Variants in TNFRSF4 observed in about 807,000 individuals in gnomAD.
TNFRSF4 encodes the protein TNF receptor superfamily member 4.
Under a neutral mutation model 29.5 loss-of-function variants are expected in TNFRSF4, and 21 were observed. The ratio of observed to expected loss-of-function variants is 0.71; its 90% CI spans 0.51 to 1.03. The LOEUF is 1.03. Ranked by LOEUF, TNFRSF4 falls within the 50% of genes least tolerant of loss-of-function variation. The pLI is 0.00. For synonymous variants in TNFRSF4, 197 were observed against 172.7 expected (o/e 1.14, Z -1.10); for missense variants, 408 against 387.8 (o/e 1.05, Z -0.44).
chr1:1,211,905 G>C, intron 5 of TNFRSF4, 37 bp downstream of exon 5: 1 of 1,510,984 alleles, frequency 6.6e-7, no homozygotes. Flanking sequence ...TCCTATTCGG[G>C]TTGGGGGCCC....
intron 1 of TNFRSF4, 37 bp downstream of exon 1, chr1:1,213,946 G>A (rs1278083444): frequency 3.9e-6 from 6 of 1,556,032 alleles, no homozygotes; most frequent in Non-Finnish European, 5.2e-6. Context: ...CCAGTCCCTG[G>A]AGTGCCCGTG....
rs144102157 is a variant in TNFRSF4, at chr1:1,213,754, G to A, written c.177C>T (p.Ser59=). 394 of 1,603,120 alleles carry A rather than the reference G, an allele frequency of 2.5e-4. 1 individual carries two copies. The highest frequency in any genetic ancestry group is 2.9e-4 in the Non-Finnish European group (340 of 1,176,282). The part of the protein sequence containing the change: ...GNGMVSRCSR[S]QNTVCRPCGP... Reference sequence around the variant, plus strand: ...CGCACGGACGGCACACCGTGTTCTGGGAGCGGCTGCAGCGGCTCACCATCC... The same window carrying A: ...CGCACGGACGGCACACCGTGTTCTGAGAGCGGCTGCAGCGGCTCACCATCC... Residue 59 remains serine, a synonymous_variant, in exon 2 of 7, where the codon TCC becomes TCT. Transcript: ENST00000379236.
At chr1:1,213,932 G>T in intron 1 of TNFRSF4, 51 bp downstream of exon 1, 1 of 1,176,640 alleles carries the variant, frequency 8.5e-7, no homozygotes, top group Non-Finnish European at 1.1e-6. Context: ...CCCTGCCCCA[G>T]CCCCCAGTCC....
At chr1:1,212,240 C>G in intron 4 of TNFRSF4, 102 bp from the exon 5 acceptor site, 1 of 1,312,326 alleles carries the variant, frequency 7.6e-7, no homozygotes, top group Non-Finnish European at 1.1e-6. Context: ...CAGGCAGCAT[C>G]TACCACAGAC....
chr1:1,212,233 G>A lies in TNFRSF4; in HGVS notation c.438-95C>T, dbSNP rs866650998. On this transcript the variant is annotated intron_variant, in intron 4 of 6. Transcript: ENST00000379236. ...CAGGGTCCACGCTGGCCAGCCACAG[G>A]CAGCATCTACCACAGACACCAGGCC... 533 of 1,381,422 alleles carry A rather than the reference G, an allele frequency of 3.9e-4. 4 individuals are homozygous for A. The highest frequency in any genetic ancestry group is 2.8e-4 in the African/African-American group (20 of 70,456). 85.6% of individuals were successfully genotyped at this position (1,381,422 alleles called of 1,614,324 possible). A position where few individuals can be genotyped will look rare whatever the true frequency, so the allele number is the denominator to read the frequency against.
chr1:1,214,076 G>T lies in TNFRSF4; in HGVS notation c.52C>A (p.Leu18Ile). The T allele has an allele frequency of 6.3e-7, 1 of 1,593,578 alleles. No individual in the cohort carries two copies. Residue 18 changes from leucine to isoleucine, a missense_variant, in exon 1 of 7, where the codon CTC becomes ATC. Transcript: ENST00000379236. This position sits in a 1 kb window ranked among gnomAD's most constrained non-coding sequence, Gnocchi z 4.2. ...LGRGPCAALL[L>I]LGLGLSTVTG... ...ACGGTGCTCAGCCCCAGGCCCAGGA[G>T]GAGCAGAGCCGCACACGGCCCGCGG...
intron 1 of TNFRSF4, 37 bp from the exon 2 acceptor site, chr1:1,213,822 C>T (rs372352883): frequency 6.4e-7 from 1 of 1,563,632 alleles, no homozygotes; most frequent in South Asian, 1.2e-5. Context: ...CGGTCAGGCC[C>T]CAGGCTTGCG....
At position 1,211,820 on chromosome 1, in the gene TNFRSF4, G is replaced by C. The variant is rs1478547772; in HGVS notation, c.647C>G (p.Ala216Gly). The change falls in exon 6 of 7, where the codon GCC becomes GGC. Residue 216 changes from alanine (A) to glycine (G), a missense_variant. By Grantham distance (60) the Ala-to-Gly change is moderately conservative. Transcript: ENST00000379236. ...PVEVPGGRAV[A>G]AILGLGLVLG... ...CACCAGGCCCAGGCCCAGGATGGCG[G>C]CAACCGCACGGCCTGCAGGAAGGGG... 1.3e-6 allele frequency: 2 copies of C among 1,548,842 alleles called. No homozygotes were observed. Among genetic ancestry groups the C allele is most frequent in the Non-Finnish European group, 1.7e-6 (2 of 1,151,338 alleles).
At chr1:1,212,901 T>A in intron 3 of TNFRSF4, 91 bp downstream of exon 3, 1 of 1,379,884 alleles carries the variant, frequency 7.2e-7, no homozygotes. Flanking sequence ...GAGGCACCGG[T>A]GGGGCCAGGT....
At position 1,211,551 on chromosome 1, in the gene TNFRSF4, C is replaced by A; in HGVS notation, c.*4G>T. 1 of 1,495,162 alleles carries A rather than the reference C, an allele frequency of 6.7e-7. No homozygotes were observed. Among genetic ancestry groups the A allele is most frequent in the Non-Finnish European group, 8.9e-7 (1 of 1,123,844 alleles). The allele number at this position is 1,495,162 out of a possible 1,614,324, so 92.6% of individuals were successfully genotyped here. On this transcript the variant is annotated 3_prime_UTR_variant, in exon 7 of 7. Transcript: ENST00000379236. ...GGCCCAGCGTCCACCTTGGTGGGCC[C>A]AGGTCAGATCTTGGCCAGGGTGGAG... is the stretch of plus-strand genomic sequence containing the variant.
rs569576425 is a variant in TNFRSF4 at position 1,211,667 on chromosome 1, C to T, written c.763+37G>A. The T allele has an allele frequency of 1.7e-4, 266 of 1,572,550 alleles. 2 individuals are homozygous for T. The South Asian group carries it at 2.5e-3, about 15-fold the overall frequency. On this transcript the variant is annotated intron_variant, in intron 6 of 6. Coordinates refer to ENST00000379236, the MANE Select transcript of TNFRSF4 (RefSeq NM_003327.4). ...GAGAGATTGGTGGGTGGGCCTCACC[C>T]GCCAGGAGCAGTGCGGCAGGGCCAT...
At position 1,211,774 on chromosome 1, in the gene TNFRSF4, CA is replaced by C. The variant is rs1649125714; in HGVS notation, c.692del (p.Leu231ArgfsTer?). The C allele has an allele frequency of 6.4e-7, 1 of 1,562,122 alleles. No individual in the cohort carries two copies. Among genetic ancestry groups the C allele is most frequent in the Non-Finnish European group, 8.6e-7 (1 of 1,156,220 alleles). On this transcript the variant is annotated frameshift_variant, in exon 6 of 7. Coordinates refer to ENST00000379236, the MANE Select transcript of TNFRSF4 (RefSeq NM_003327.4). LOFTEE classifies it high-confidence loss of function. Reference protein sequence around the residue: ...LGLVLGLLGPLAILLALYLLR... With the variant: ...LGLVLGLLGPXAILLALYLLR... ...GCAGGTACAGGGCCAGCAGGATGGC[CA>C]GGGGGCCCAGCAGCCCCAGCACCAG...
chr1:1,213,937 C>T, intron 1 of TNFRSF4, 46 bp downstream of exon 1: 1 of 1,531,886 alleles, frequency 6.5e-7, no homozygotes, highest in Non-Finnish European at 8.8e-7. Flanking sequence ...CCCCAGCCCC[C>T]AGTCCCTGGA....
At position 1,214,117 on chromosome 1, in the gene TNFRSF4, C is replaced by T. The variant is rs1295347453; in HGVS notation, c.11G>A (p.Gly4Glu). MCV[G>E]ARRLGRGPCA... ...CGGCCCGCGGCCCAGCCGCCGAGCC[C>T]CCACGCACATCCTCGTCTCTGCTGT... Residue 4 changes from glycine to glutamate, a missense_variant, in exon 1 of 7, where the codon GGG (glycine) becomes GAG (glutamate). Coordinates refer to ENST00000379236, the MANE Select transcript of TNFRSF4 (RefSeq NM_003327.4). This position sits in a 1 kb window ranked among gnomAD's most constrained non-coding sequence, Gnocchi z 4.2. The T allele has an allele frequency of 1.9e-6, 3 of 1,581,708 alleles. No individual in the cohort carries two copies. The highest frequency in any genetic ancestry group is 2.7e-5 in the African/African-American group (2 of 74,464).
rs749945507 is a variant in TNFRSF4, at chr1:1,213,111, G to A, written c.269-18C>T. 235 of 1,597,884 alleles carry A rather than the reference G, an allele frequency of 1.5e-4. 1 individual carries two copies. Among genetic ancestry groups the A allele is most frequent in the Non-Finnish European group, 1.8e-4 (211 of 1,174,660 alleles). On this transcript the variant is annotated intron_variant, in intron 2 of 6. Transcript: ENST00000379236. ...CCCACTTCCTGAGCAGGGGCCGGAT[G>A]GGGGGGTGGTCAGGTGGGGGCTGTG...
Position 1,211,566 on chromosome 1 carries a change from C to G in TNFRSF4, c.823G>C (p.Ala275Pro). Reference sequence around the variant, plus strand: ...TTGGTGGGCCCAGGTCAGATCTTGGCCAGGGTGGAGTGGGCGTCGGCCTGC... The same window carrying G: ...TTGGTGGGCCCAGGTCAGATCTTGGGCAGGGTGGAGTGGGCGTCGGCCTGC... ...EEQADAHSTL[A>P]KI The change falls in exon 7 of 7, where the codon GCC becomes CCC. Residue 275 changes from alanine to proline, a missense_variant. Coordinates refer to ENST00000379236, the MANE Select transcript of TNFRSF4 (RefSeq NM_003327.4). 6 of 1,507,646 alleles carry G rather than the reference C, an allele frequency of 4.0e-6. No homozygotes were observed. The highest frequency in any genetic ancestry group is 5.3e-6 in the Non-Finnish European group (6 of 1,129,382). 93.4% of individuals were successfully genotyped at this position (1,507,646 alleles called of 1,614,324 possible). A position where few individuals can be genotyped will look rare whatever the true frequency, so the allele number is the denominator to read the frequency against.
In TNFRSF4 at chr1:1,213,110, T is replaced by TG. The variant is rs750655851; in HGVS notation, c.269-18dup. 6.6e-5 allele frequency: 105 copies of TG among 1,600,752 alleles called. No homozygotes were observed. The highest frequency in any genetic ancestry group is 6.1e-4 in the African/African-American group (46 of 74,832). On this transcript the variant is annotated splice_polypyrimidine_tract_variant and intron_variant, in intron 2 of 6. Transcript: ENST00000379236. ...TCCCACTTCCTGAGCAGGGGCCGGA[T>TG]GGGGGGGTGGTCAGGTGGGGGCTGT...
At position 1,211,636 on chromosome 1, in the gene TNFRSF4, A is replaced by G. The variant is rs1346362785; in HGVS notation, c.764-11T>C. The G allele has an allele frequency of 1.9e-6, 3 of 1,559,582 alleles. No individual in the cohort carries two copies. The highest frequency in any genetic ancestry group is 2.3e-5 in the East Asian group (1 of 42,590). On this transcript the variant is annotated splice_polypyrimidine_tract_variant and intron_variant, in intron 6 of 6. Coordinates refer to ENST00000379236, the MANE Select transcript of TNFRSF4 (RefSeq NM_003327.4). Reference sequence around the variant, plus strand: ...GGAAACTGCCTCCCCCTGGGGAGGAAAAAAGGAGAGATTGGTGGGTGGGCC... The same window carrying G: ...GGAAACTGCCTCCCCCTGGGGAGGAGAAAAGGAGAGATTGGTGGGTGGGCC...
intron 2 of TNFRSF4, chr1:1,213,401 G>A (rs1420829128): frequency 2.0e-6 from 3 of 1,532,842 alleles, no homozygotes; most frequent in Non-Finnish European, 2.6e-6. Context: ...TCACTGCTCA[G>A]GCCAGCAAGG....
Sources: gnomAD v4.1 joint callset for allele counts on GRCh38, gnomAD v4.1.1 for gene constraint, Gnocchi (gnomAD v3.1) non-coding constraint, MANE v1.5 for transcripts, NCBI Gene and HGNC (gene_info 2026-07-23, HGNC 2026-07-21) for gene names.